The following APLF variants were observed in gnomAD, a reference collection of about 807,000 sequenced individuals.
The protein encoded by APLF is aprataxin and PNK-like factor.
In APLF, 61 loss-of-function variants were observed where a neutral mutation model predicts 55.6. The observed-to-expected ratio is 1.10, with a 90% CI of 0.89 to 1.36. The LOEUF is 1.36. APLF is among the 40% of genes most tolerant of loss of function. The pLI, the probability that APLF is intolerant of heterozygous loss-of-function variation, is 0.00. For missense variants in APLF, 611 were observed against 602.5 expected, an observed-to-expected ratio of 1.01 and a Z score of -0.15; for synonymous variants, 207 against 214.8, an observed-to-expected ratio of 0.96 and a Z score of 0.32.
chr2:68,519,260 T>C (rs976986978), intron 5 of APLF, among the ~76,000 whole-genome samples: 1 of 138,036 alleles, frequency 7.2e-6, no homozygotes, highest in Non-Finnish European at 1.5e-5. Context: ...CATTTATATA[T>C]AATATAATAT....
At chr2:68,492,593 C>A (rs1427300185) in intron 2 of APLF, among the ~76,000 whole-genome samples, 2 of 152,118 alleles carry the variant, frequency 1.3e-5, no homozygotes, top group African/African-American at 2.4e-5. Context: ...ATGTACTGAG[C>A]CAAATTTCTA....
chr2:68,475,559 G>T (rs927028183), intron 1 of APLF, among the ~76,000 whole-genome samples: 2 of 152,132 alleles, frequency 1.3e-5, no homozygotes, highest in East Asian at 1.9e-4. Flanking sequence ...CTTTTAAAGA[G>T]AACTTGATTT....
rs569803141 is a variant in APLF at position 68,489,224 on chromosome 2, T to G, written c.97-966T>G. On this transcript the variant is annotated intron_variant, in intron 1 of 9. Coordinates refer to ENST00000303795, the MANE Select transcript of APLF (RefSeq NM_173545.3). Reference sequence around the variant, plus strand: ...AGTACTGACTCCTGGCAGTTTCACATTTTTTGTGGAACTAATAGGTTTAAT... The same window carrying G: ...AGTACTGACTCCTGGCAGTTTCACAGTTTTTGTGGAACTAATAGGTTTAAT... Among the ~76,000 whole-genome samples the G allele has an allele frequency of 2.6e-5, 4 of 152,348 alleles. No homozygotes were observed. The South Asian group carries it at 8.3e-4, about 32-fold the overall frequency.
intron 3 of APLF, 65 bp from the exon 4 acceptor site, chr2:68,513,015 A>T: frequency 1.4e-6 from 2 of 1,437,422 alleles, no homozygotes; most frequent in Non-Finnish European, 1.9e-6. Context: ...ACTTAGATGT[A>T]GTTCTAAGGC....
intron 9 of APLF, 105 bp downstream of exon 9, chr2:68,567,492 G>A: frequency 1.1e-6 from 1 of 927,188 alleles, no homozygotes; most frequent in South Asian, 1.8e-5. Flanking sequence ...CTCTGCTTCT[G>A]TGAATTTGTT....
At chr2:68,544,790 GT>G (rs1670653890) in intron 7 of APLF, among the ~76,000 whole-genome samples, 1 of 152,052 alleles carries the variant, frequency 6.6e-6, no homozygotes, top group South Asian at 2.1e-4. Flanking sequence ...TGTTGGAAAC[GT>G]TCTGTTTTTT....
rs1350413797 is a variant in APLF, at chr2:68,503,431, T to C, written c.341+528T>C. 9.1e-4 allele frequency among the ~76,000 whole-genome samples: 139 copies of C among 152,116 alleles called. 1 individual carries two copies. Among genetic ancestry groups the C allele is most frequent in the Non-Finnish European group, 5.9e-5 (4 of 68,002 alleles). The stretch of plus-strand genomic sequence containing the variant: ...ACTAGTTTTTTTAGTCAGAAGATTA[T>C]TTGGCTTCATTTCAGCTTTTAAATT... On this transcript the variant is annotated intron_variant, in intron 3 of 9. Transcript: ENST00000303795.
intron 6 of APLF, among the ~76,000 whole-genome samples, chr2:68,532,975 C>T (rs1344735059): frequency 1.3e-5 from 2 of 152,100 alleles, no homozygotes; most frequent in African/African-American, 4.8e-5. Flanking sequence ...CCTGTAGTCC[C>T]AGCTACTTGG....
chr2:68,551,258 C>T (rs1276842521), intron 8 of APLF, among the ~76,000 whole-genome samples: 1 of 152,034 alleles, frequency 6.6e-6, no homozygotes, highest in Non-Finnish European at 1.5e-5. Context: ...CCTCTTCTTT[C>T]ACCACTCTTA....
Position 68,526,243 on chromosome 2 carries a change from G to C in APLF, c.804+1G>C. ...GGAAGAGTCTACCATTTCATCCAAG[G>C]TGATTTTAAAAAATTCATTATTTGA... On this transcript the variant is annotated splice_donor_variant, in intron 6 of 9. Transcript: ENST00000303795. LOFTEE classifies it high-confidence loss of function. 1 of 1,596,068 alleles carries C rather than the reference G, an allele frequency of 6.3e-7. No homozygotes were observed. The highest frequency in any genetic ancestry group is 1.1e-5 in the South Asian group (1 of 87,038).
intron 8 of APLF, among the ~76,000 whole-genome samples, chr2:68,555,903 G>A (rs751579874): frequency 1.2e-4 from 19 of 152,126 alleles, no homozygotes; most frequent in African/African-American, 2.2e-4. Context: ...ACTTGCACAC[G>A]CATGTTTATA....
In APLF at chr2:68,546,729, A is replaced by C. The variant is rs140563293; in HGVS notation, c.1286+1417A>C. Among the ~76,000 whole-genome samples, 995 of 152,034 alleles carry C rather than the reference A, an allele frequency of 6.5e-3. 12 individuals are homozygous for C. Among genetic ancestry groups the C allele is most frequent in the African/African-American group, 0.022 (930 of 41,560 alleles). Reference sequence around the variant, plus strand: ...CATTCATTTATGAAAAAAACTTGTTATAAAGTAAGAATAGAAGGGAACTTC... The same window carrying C: ...CATTCATTTATGAAAAAAACTTGTTCTAAAGTAAGAATAGAAGGGAACTTC... On this transcript the variant is annotated intron_variant, in intron 8 of 9. Coordinates refer to ENST00000303795, the MANE Select transcript of APLF (RefSeq NM_173545.3).
At chr2:68,537,423 A>C (rs1402127153) in intron 6 of APLF, among the ~76,000 whole-genome samples, 1 of 150,506 alleles carries the variant, frequency 6.6e-6, no homozygotes, top group African/African-American at 2.5e-5. Flanking sequence ...GCTGGAGTGC[A>C]ATGGTGCAAT....
intron 5 of APLF, among the ~76,000 whole-genome samples, chr2:68,518,240 T>C (rs1443041358): frequency 1.7e-5 from 2 of 119,440 alleles, no homozygotes; most frequent in African/African-American, 3.4e-5. Context: ...ATCATTAATA[T>C]ATAATGTTAA....
intron 2 of APLF, among the ~76,000 whole-genome samples, chr2:68,496,052 T>A (rs1212329349): frequency 6.6e-6 from 1 of 152,202 alleles, no homozygotes. Flanking sequence ...TGAAATGCAT[T>A]TGAGGCCTTT....
intron 8 of APLF, among the ~76,000 whole-genome samples, chr2:68,554,136 G>C (rs896169840): frequency 1.5e-4 from 23 of 151,924 alleles, no homozygotes; most frequent in African/African-American, 5.6e-4. Context: ...CATAAAAACT[G>C]TACGTATATG....
At chr2:68,503,505 G>A (rs927773392) in intron 3 of APLF, among the ~76,000 whole-genome samples, 2 of 151,972 alleles carry the variant, frequency 1.3e-5, no homozygotes, top group Admixed American at 6.6e-5. Context: ...AGAATTATGC[G>A]GAGTATGTTC....
intron 6 of APLF, among the ~76,000 whole-genome samples, chr2:68,533,123 A>T (rs1309414863): frequency 6.6e-6 from 1 of 152,156 alleles, no homozygotes; most frequent in East Asian, 1.9e-4. Flanking sequence ...CTTCTGCCAT[A>T]TAAGGGCACA....
chr2:68,533,718 G>A (rs1670319836), intron 6 of APLF, among the ~76,000 whole-genome samples: 2 of 152,174 alleles, frequency 1.3e-5, no homozygotes, highest in African/African-American at 4.8e-5. Context: ...GTACCATGAA[G>A]TAGCCTAGAC....
Sources: gnomAD v4.1 joint callset for allele counts (sites outside exome capture counted in the v4.1 genomes callset) on GRCh38, gnomAD v4.1.1 for gene constraint, MANE v1.5 for transcripts, NCBI Gene and HGNC (gene_info 2026-07-23, HGNC 2026-07-21) for gene names.